The following AP5B1 variants were observed in gnomAD, a reference collection of about 807,000 sequenced individuals.
The protein encoded by AP5B1 is adaptor related protein complex 5 subunit beta 1.
In AP5B1, 3 loss-of-function variants were observed where a neutral mutation model predicts 5.7. That is an observed-to-expected ratio of 0.53 (90% CI 0.24 to 1.36). The LOEUF (loss-of-function observed/expected upper bound fraction) is 1.36. Among genes scored for constraint, AP5B1 ranks in the 40% most tolerant of loss-of-function variants. The pLI, the probability that AP5B1 is intolerant of heterozygous loss-of-function variation, is 0.17. For synonymous variants in AP5B1, 696 were observed against 555.5 expected (o/e 1.25, Z -3.56); for missense variants, 1,310 against 1,143.2 (o/e 1.15, Z -2.10).
rs768792292 is a variant in AP5B1 at position 65,777,941 on chromosome 11, C to G, written c.2552G>C (p.Gly851Ala). ...LLRLEAALAD[G>A]VPVALRTDDW... ...ATCGGTCCGCAGGGCCACAGGCACT[C>G]CATCTGCCAGGGCCGCCTCCAGCCG... Residue 851 changes from glycine to alanine, a missense_variant, in exon 2 of 2, where the codon GGA becomes GCA. Coordinates refer to ENST00000532090, the MANE Select transcript of AP5B1 (RefSeq NM_138368.5). 5.1e-6 allele frequency: 8 copies of G among 1,573,658 alleles called. No homozygotes were observed. Among genetic ancestry groups the G allele is most frequent in the Non-Finnish European group, 6.0e-6 (7 of 1,160,836 alleles).
At position 65,780,253 on chromosome 11, in the gene AP5B1, G is replaced by A. The variant is rs556951667; in HGVS notation, c.240C>T (p.Asp80=). ...AAEVAATSLL[D]TLVLLPPRPS... The stretch of plus-strand genomic sequence containing the variant: ...GCCGCGGGGGTAGGAGGACCAAGGT[G>A]TCCAACAGGGAGGTGGCGGCCACTT... The change falls in exon 2 of 2, where the codon GAC becomes GAT. Residue 80 remains aspartate (D), a synonymous_variant. Transcript: ENST00000532090. 21 of 1,510,652 alleles carry A rather than the reference G, an allele frequency of 1.4e-5. No homozygotes were observed. In the African/African-American group the frequency reaches 2.4e-4, roughly 17 times the overall value. The allele number at this position is 1,510,652 out of a possible 1,614,324, so 93.6% of individuals were successfully genotyped here. A position where few individuals can be genotyped will look rare whatever the true frequency, so the allele number is the denominator to read the frequency against.
At position 65,775,262 on chromosome 11, in the gene AP5B1, A is replaced by T. The variant is rs1857750556; in HGVS notation, c.*2594T>A. On this transcript the variant is annotated 3_prime_UTR_variant, in exon 2 of 2. Transcript: ENST00000532090. ...TGGAGGAATGGATGGATAAAATGGGATGGATGCACAAGTGGGCAGACAGAT... is the reference window on the plus strand; with the variant it reads ...TGGAGGAATGGATGGATAAAATGGGTTGGATGCACAAGTGGGCAGACAGAT... Among the ~76,000 whole-genome samples, 1 of 152,164 alleles carries T rather than the reference A, an allele frequency of 6.6e-6. No individual in the cohort carries two copies. The highest frequency in any genetic ancestry group is 2.4e-5 in the African/African-American group (1 of 41,436).
chr11:65,778,460 G>A lies in AP5B1; in HGVS notation c.2033C>T (p.Pro678Leu), dbSNP rs1377046923. 8 of 1,573,444 alleles carry A rather than the reference G, an allele frequency of 5.1e-6. No homozygotes were observed. Among genetic ancestry groups the A allele is most frequent in the Middle Eastern group, 1.7e-4 (1 of 6,040 alleles). Residue 678 changes from proline to leucine, a missense_variant, in exon 2 of 2, where the codon CCA becomes CTA. By Grantham distance (98) the Pro-to-Leu change is moderately conservative. Coordinates refer to ENST00000532090, the MANE Select transcript of AP5B1 (RefSeq NM_138368.5). Reference sequence around the variant, plus strand: ...CGCCTCCGGCTGGAGCTTCAACACTGGGAGTGGGCCCTTGACCCGATGGGA... The same window carrying A: ...CGCCTCCGGCTGGAGCTTCAACACTAGGAGTGGGCCCTTGACCCGATGGGA... ...LGSHRVKGPL[P>L]VLKLQPEALE...
Position 65,774,190 on chromosome 11 carries a change from G to A in AP5B1, c.*3666C>T, listed in dbSNP as rs1349326710. 6.6e-6 allele frequency among the ~76,000 whole-genome samples: 1 copy of A among 152,232 alleles called. No individual in the cohort carries two copies. Among genetic ancestry groups the A allele is most frequent in the Non-Finnish European group, 1.5e-5 (1 of 68,044 alleles). ...TTTTCTGAGATTCCCTCGGCCACGA[G>A]GTGGCATCTGTTCAGTCGGTGGGGT... On this transcript the variant is annotated 3_prime_UTR_variant, in exon 2 of 2. Coordinates refer to ENST00000532090, the MANE Select transcript of AP5B1 (RefSeq NM_138368.5).
chr11:65,778,918 C>T lies in AP5B1; in HGVS notation c.1575G>A (p.Gln525=). 6.2e-7 allele frequency: 1 copy of T among 1,612,790 alleles called. No individual in the cohort carries two copies. Among genetic ancestry groups the T allele is most frequent in the Non-Finnish European group, 8.5e-7 (1 of 1,179,712 alleles). Residue 525 remains glutamine (Q), a synonymous_variant, in exon 2 of 2, where the codon CAG becomes CAA. Coordinates refer to ENST00000532090, the MANE Select transcript of AP5B1 (RefSeq NM_138368.5). The part of the protein sequence containing the change: ...LREPLKVVLR[Q]VVVSRPGRDE... ...CCCTGCCCGGCCTGGACACCACCAC[C>T]TGCCGCAACACCACCTTCAGGGGCT...
At position 65,779,178 on chromosome 11, in the gene AP5B1, GC is replaced by G; in HGVS notation, c.1314del (p.His439ThrfsTer45). ...CCAGCCAGCAGCTCTTCCAGGTAGT[GC>G]CGTGGGCTTGGAAGCTGGCCTTTCT... ...EEEKGQLPSP[R>X]HYLEELLAGL... On this transcript the variant is annotated frameshift_variant, in exon 2 of 2. Transcript: ENST00000532090. LOFTEE classifies it low-confidence loss of function (END_TRUNC). 1 of 1,611,008 alleles carries G rather than the reference GC, an allele frequency of 6.2e-7. No homozygotes were observed. Among genetic ancestry groups the G allele is most frequent in the South Asian group, 1.1e-5 (1 of 90,844 alleles).
Position 65,779,890 on chromosome 11 carries a change from G to T in AP5B1, c.603C>A (p.Ser201=). ...LALRNTLVLQ[S]RVGAGLGGLL... ...GTCCCCCCAGGCCAGCCCCAACCCG[G>T]GACTGGAGCACCAAGGTGTTGCGCA... The change falls in exon 2 of 2, where the codon TCC becomes TCA. Residue 201 remains serine (S), a synonymous_variant. Coordinates refer to ENST00000532090, the MANE Select transcript of AP5B1 (RefSeq NM_138368.5). The T allele has an allele frequency of 4.4e-6, 7 of 1,594,380 alleles. No homozygotes were observed. The highest frequency in any genetic ancestry group is 6.0e-6 in the Non-Finnish European group (7 of 1,170,358).
rs917788015 is a variant in AP5B1, at chr11:65,779,214, C to T, written c.1279G>A (p.Glu427Lys). The T allele has an allele frequency of 2.2e-5, 35 of 1,604,364 alleles. No individual in the cohort carries two copies. Among genetic ancestry groups the T allele is most frequent in the Non-Finnish European group, 2.8e-5 (33 of 1,175,352 alleles). The change falls in exon 2 of 2, where the codon GAA becomes AAA. Residue 427 changes from glutamate to lysine, a missense_variant. Transcript: ENST00000532090. ...HLLCLLCAEEEEEEKGQLPSP... is the reference protein window; with the variant it reads ...HLLCLLCAEEKEEEKGQLPSP... The stretch of plus-strand genomic sequence containing the variant: ...GGAAGCTGGCCTTTCTCCTCTTCTT[C>T]CTCCTCGGCACAGAGCAGGCACAGT...
rs1857778406 is a variant in AP5B1, at chr11:65,777,446, G to A, written c.*410C>T. The A allele has an allele frequency of 1.1e-5, 2 of 186,948 alleles. No homozygotes were observed. Among genetic ancestry groups the A allele is most frequent in the South Asian group, 1.2e-4 (1 of 8,208 alleles). The allele number at this position is 186,948 out of a possible 1,614,324, so 11.6% of individuals were successfully genotyped here. ...GTAACAGTATAAGATTAGACCCTAAGAGGTGGTCAGGCCACGAGGGCTCTG... is the reference window on the plus strand; with the variant it reads ...GTAACAGTATAAGATTAGACCCTAAAAGGTGGTCAGGCCACGAGGGCTCTG... On this transcript the variant is annotated 3_prime_UTR_variant, in exon 2 of 2. Coordinates refer to ENST00000532090, the MANE Select transcript of AP5B1 (RefSeq NM_138368.5).
rs1385328199 is a variant in AP5B1 at position 65,777,264 on chromosome 11, GCAGAGATTCTGGA to G, written c.*579_*591del. On this transcript the variant is annotated 3_prime_UTR_variant, in exon 2 of 2. Transcript: ENST00000532090. ...AGGAGATTTTTCCCCTGCCTCCTGGGCAGAGATTCTGGAGAGCACTAGTGTGTCTGGGTGAGAA... is the reference window on the plus strand; with the variant it reads ...AGGAGATTTTTCCCCTGCCTCCTGGGGAGCACTAGTGTGTCTGGGTGAGAA... 6.6e-6 allele frequency: 1 copy of G among 152,404 alleles called. No individual in the cohort carries two copies. Among genetic ancestry groups the G allele is most frequent in the Non-Finnish European group, 1.5e-5 (1 of 68,192 alleles). The allele number at this position is 152,404 out of a possible 1,614,324, so 9.4% of individuals were successfully genotyped here. A position where few individuals can be genotyped will look rare whatever the true frequency, so the allele number is the denominator to read the frequency against.
At position 65,775,797 on chromosome 11, in the gene AP5B1, T is replaced by G. The variant is rs1032896549; in HGVS notation, c.*2059A>C. ...GACCCCTTCCTGATTTGGAAATGACTTGCCGAGGTGACAAAGCAAGTTATT... is the reference window on the plus strand; with the variant it reads ...GACCCCTTCCTGATTTGGAAATGACGTGCCGAGGTGACAAAGCAAGTTATT... On this transcript the variant is annotated 3_prime_UTR_variant, in exon 2 of 2. Coordinates refer to ENST00000532090, the MANE Select transcript of AP5B1 (RefSeq NM_138368.5). The G allele has an allele frequency of 6.6e-6, 1 of 152,192 alleles. No homozygotes were observed. The allele number at this position is 152,192 out of a possible 1,614,324, so 9.4% of individuals were successfully genotyped here.
chr11:65,778,896 T>C lies in AP5B1; in HGVS notation c.1597A>G (p.Arg533Gly), dbSNP rs1409298827. ...AGGTGCCAGCAAAGAGCTTCATCCC[T>C]GCCCGGCCTGGACACCACCACCTGC... is the stretch of plus-strand genomic sequence containing the variant. ...LRQVVVSRPG[R>G]DEALCWHLQM... The change falls in exon 2 of 2, where the codon AGG (arginine) becomes GGG (glycine). Residue 533 changes from arginine (R) to glycine (G), a missense_variant. Arg to Gly is a moderately radical substitution (Grantham distance 125, BLOSUM62 -2). Coordinates refer to ENST00000532090, the MANE Select transcript of AP5B1 (RefSeq NM_138368.5). The C allele has an allele frequency of 1.2e-6, 2 of 1,611,380 alleles. No individual in the cohort carries two copies. Among genetic ancestry groups the C allele is most frequent in the Non-Finnish European group, 1.7e-6 (2 of 1,179,080 alleles).
Position 65,779,394 on chromosome 11 carries a change from A to C in AP5B1, c.1099T>G (p.Phe367Val). The C allele has an allele frequency of 6.2e-7, 1 of 1,603,884 alleles. No homozygotes were observed. The highest frequency in any genetic ancestry group is 8.5e-7 in the Non-Finnish European group (1 of 1,174,814). Residue 367 changes from phenylalanine (F) to valine (V), a missense_variant, in exon 2 of 2, where the codon TTT becomes GTT. Coordinates refer to ENST00000532090, the MANE Select transcript of AP5B1 (RefSeq NM_138368.5). Reference protein sequence around the residue: ...HPALPPPTHLFYLHCVLSFPE... With the variant: ...HPALPPPTHLVYLHCVLSFPE... ...AAGCTCAGGACGCAGTGAAGGTAAA[A>C]GAGATGGGTGGGCGGAGGCAGAGCA...
rs1857798394 is a variant in AP5B1 at position 65,778,610 on chromosome 11, C to T, written c.1883G>A (p.Gly628Glu). The T allele has an allele frequency of 1.3e-6, 2 of 1,595,006 alleles. No individual in the cohort carries two copies. Among genetic ancestry groups the T allele is most frequent in the Admixed American group, 1.7e-5 (1 of 57,312 alleles). The change falls in exon 2 of 2, where the codon GGG becomes GAG. Residue 628 changes from glycine (G) to glutamate (E), a missense_variant. Transcript: ENST00000532090. ...LLAHLAAPKL[G>E]VALGPSLAAP... ...GGCAAGCGAGGGGCCCAGGGCCACC[C>T]CCAACTTGGGTGCTGCCAGGTGTGC...
At position 65,778,191 on chromosome 11, in the gene AP5B1, G is replaced by A. The variant is rs368090305; in HGVS notation, c.2302C>T (p.Leu768=). 20 of 1,613,120 alleles carry A rather than the reference G, an allele frequency of 1.2e-5. No individual in the cohort carries two copies. Among genetic ancestry groups the A allele is most frequent in the African/African-American group, 6.7e-5 (5 of 74,952 alleles). Residue 768 remains leucine (L), a synonymous_variant, in exon 2 of 2, where the codon CTG becomes TTG. Coordinates refer to ENST00000532090, the MANE Select transcript of AP5B1 (RefSeq NM_138368.5). ...CCCTCTGGAGGCTGCGGGAAAGGCA[G>A]AAAGAGGTCGGCAAAGTTCACGAAC... ...PLFVNFADLF[L]PFPQPPEGAG...
rs531468340 is a variant in AP5B1 at position 65,777,966 on chromosome 11, G to A, written c.2527C>T (p.Arg843Trp). The change falls in exon 2 of 2, where the codon CGG becomes TGG. Residue 843 changes from arginine (R) to tryptophan (W), a missense_variant. Physicochemically the swap from Arg to Trp is moderately radical, Grantham distance 101. Coordinates refer to ENST00000532090, the MANE Select transcript of AP5B1 (RefSeq NM_138368.5). Reference protein sequence around the residue: ...HLPPDSKLLLRLEAALADGVP... With the variant: ...HLPPDSKLLLWLEAALADGVP... ...CCATCTGCCAGGGCCGCCTCCAGCC[G>A]CAGCAGCAGCTTTGAGTCCGGGGGC... is the stretch of plus-strand genomic sequence containing the variant. 5.0e-6 allele frequency: 8 copies of A among 1,598,996 alleles called. No homozygotes were observed. The highest frequency in any genetic ancestry group is 3.5e-5 in the Admixed American group (2 of 56,922).
Position 65,775,520 on chromosome 11 carries a change from G to A in AP5B1, c.*2336C>T, listed in dbSNP as rs577041261. Among the ~76,000 whole-genome samples the A allele has an allele frequency of 6.6e-6, 1 of 152,318 alleles. No individual in the cohort carries two copies. The highest frequency in any genetic ancestry group is 2.1e-4 in the South Asian group (1 of 4,824). On this transcript the variant is annotated 3_prime_UTR_variant, in exon 2 of 2. Transcript: ENST00000532090. ...CTTGGAGATGTTCAGTCCTTCTGCAGCAGCACCACGCTTCTGGCTTTGTGG... is the reference window on the plus strand; with the variant it reads ...CTTGGAGATGTTCAGTCCTTCTGCAACAGCACCACGCTTCTGGCTTTGTGG...
chr11:65,776,357 G>A lies in AP5B1; in HGVS notation c.*1499C>T, dbSNP rs1269362944. On this transcript the variant is annotated 3_prime_UTR_variant, in exon 2 of 2. Coordinates refer to ENST00000532090, the MANE Select transcript of AP5B1 (RefSeq NM_138368.5). ...TGGCTGAGGTCTGCTCTGATGGCAT[G>A]GTAATGGAAACCTGCTACCAGATGA... 1 of 152,192 alleles carries A rather than the reference G, an allele frequency of 6.6e-6. No individual in the cohort carries two copies. Among genetic ancestry groups the A allele is most frequent in the Non-Finnish European group, 1.5e-5 (1 of 68,032 alleles). 9.4% of individuals were successfully genotyped at this position (152,192 alleles called of 1,614,324 possible).
At position 65,775,576 on chromosome 11, in the gene AP5B1, C is replaced by T. The variant is rs1464625051; in HGVS notation, c.*2280G>A. 1.3e-5 allele frequency among the ~76,000 whole-genome samples: 2 copies of T among 152,166 alleles called. No homozygotes were observed. The highest frequency in any genetic ancestry group is 1.5e-5 in the Non-Finnish European group (1 of 68,034). On this transcript the variant is annotated 3_prime_UTR_variant, in exon 2 of 2. Transcript: ENST00000532090. ...AGGAGGCAGGAGTGGCAGTCCCACC[C>T]CATGTCCCAGGGCCCAAGCCCAGCT... is the stretch of plus-strand genomic sequence containing the variant.
Sources: allele counts gnomAD v4.1 joint callset (sites outside exome capture counted in the v4.1 genomes callset), GRCh38; gene constraint gnomAD v4.1.1; transcripts MANE v1.5; gene names NCBI Gene and HGNC (gene_info 2026-07-23, HGNC 2026-07-21).